The following LRRC2 variants were observed in gnomAD, a reference collection of about 807,000 sequenced individuals.
LRRC2 encodes the protein leucine-rich repeat-containing protein 2.
A neutral mutation model predicts 40.2 loss-of-function variants in LRRC2; 27 were observed. The observed-to-expected ratio is 0.67, with a 90% CI of 0.49 to 0.93. The LOEUF (loss-of-function observed/expected upper bound fraction) is 0.93, where lower values mean the gene tolerates loss of function less well. LRRC2 is among the 40% of genes least tolerant of loss of function. The pLI, the probability that LRRC2 is intolerant of heterozygous loss-of-function variation, is 0.00. For synonymous variants in LRRC2, 147 were observed against 158.9 expected, an observed-to-expected ratio of 0.92 and a Z score of 0.56; for missense variants, 402 against 439.6, an observed-to-expected ratio of 0.91 and a Z score of 0.76.
rs548529454 is a variant in LRRC2, at chr3:46,515,793, T to C, written c.*3221A>G. On this transcript the variant is annotated 3_prime_UTR_variant, in exon 9 of 9. Coordinates refer to ENST00000395905, the MANE Select transcript of LRRC2 (RefSeq NM_024512.5). ...CAGATATATTTTCCACTTGGCCATA[T>C]GTAACACATACCTTAGCATGACATA... 165 of 152,268 alleles carry C rather than the reference T, an allele frequency of 1.1e-3. No homozygotes were observed. Among genetic ancestry groups the C allele is most frequent in the African/African-American group, 3.9e-3 (160 of 41,538 alleles). 9.4% of individuals were successfully genotyped at this position (152,268 alleles called of 1,614,324 possible). A position where few individuals can be genotyped will look rare whatever the true frequency, so the allele number is the denominator to read the frequency against.
chr3:46,557,967 T>C (rs2280408), intron 1 of LRRC2: 7,394 of 152,292 alleles, frequency 0.049, 269 homozygotes, highest in South Asian at 0.15. Flanking sequence ...TGCAGGCTTG[T>C]GAAGAAAGTC....
intron 2 of LRRC2, among the ~76,000 whole-genome samples, chr3:46,548,994 G>A (rs2107032728): frequency 6.6e-6 from 1 of 152,244 alleles, no homozygotes; most frequent in South Asian, 2.1e-4. Context: ...CTCCTGCTGT[G>A]TGGCCCAGTT....
intron 1 of LRRC2, among the ~76,000 whole-genome samples, chr3:46,563,890 G>A (rs1050863443): frequency 6.6e-6 from 1 of 152,208 alleles, no homozygotes; most frequent in Admixed American, 6.5e-5. Context: ...CATCAAATGA[G>A]GGGGTTTTGA....
At chr3:46,545,528 A>C (rs6772291) in intron 2 of LRRC2, among the ~76,000 whole-genome samples, 12,273 of 152,300 alleles carry the variant, frequency 0.081, 572 homozygotes, top group South Asian at 0.17. Context: ...AAATTATATC[A>C]TGCCAACCTA....
At chr3:46,528,594 G>A (rs1481761167) in intron 6 of LRRC2, among the ~76,000 whole-genome samples, 2 of 152,186 alleles carry the variant, frequency 1.3e-5, no homozygotes, top group East Asian at 3.9e-4. Context: ...GCCTCCCCCT[G>A]GGAATTTTTC....
chr3:46,550,293 A>G (rs917416541), intron 2 of LRRC2, among the ~76,000 whole-genome samples: 50 of 151,872 alleles, frequency 3.3e-4, no homozygotes, highest in Admixed American at 3.3e-3. Context: ...ATTATCAAGC[A>G]TGATCAGAAT....
chr3:46,518,294 T>C lies in LRRC2; in HGVS notation c.*720A>G, dbSNP rs890572752. The C allele has an allele frequency of 2.0e-5, 3 of 152,072 alleles. No individual in the cohort carries two copies. The highest frequency in any genetic ancestry group is 4.8e-5 in the African/African-American group (2 of 41,410). 9.4% of individuals were successfully genotyped at this position (152,072 alleles called of 1,614,324 possible). On this transcript the variant is annotated 3_prime_UTR_variant, in exon 9 of 9. Coordinates refer to ENST00000395905, the MANE Select transcript of LRRC2 (RefSeq NM_024512.5). ...CTCAGTAAAAGAAACTCTTTCAAAA[T>C]AACAAAACACTCTCATCTGATTAGT...
intron 7 of LRRC2, among the ~76,000 whole-genome samples, chr3:46,522,329 C>A (rs147496182): frequency 4.1e-4 from 62 of 151,330 alleles, no homozygotes; most frequent in Middle Eastern, 3.4e-3. Context: ...GAGCTGAAAT[C>A]CCGCCATGGC....
intron 6 of LRRC2, among the ~76,000 whole-genome samples, chr3:46,529,425 A>C (rs1704119057): frequency 6.6e-6 from 1 of 152,236 alleles, no homozygotes; most frequent in South Asian, 2.1e-4. Context: ...AAAAATAAAA[A>C]TTTAAAAATA....
chr3:46,541,844 G>A (rs1190430357), intron 3 of LRRC2, among the ~76,000 whole-genome samples: 1 of 152,108 alleles, frequency 6.6e-6, no homozygotes, highest in African/African-American at 2.4e-5. Flanking sequence ...GTTCAACAAA[G>A]TCCCTGAACT....
At position 46,548,450 on chromosome 3, in the gene LRRC2, T is replaced by C. The variant is rs557486439; in HGVS notation, c.125+3017A>G. ...CTTCCTTGAAAGTAATTAAAATAAATAAAATTCGTTGTCTTTTCACTCTAT... is the reference window on the plus strand; with the variant it reads ...CTTCCTTGAAAGTAATTAAAATAAACAAAATTCGTTGTCTTTTCACTCTAT... On this transcript the variant is annotated intron_variant, in intron 2 of 8. Transcript: ENST00000395905. Among the ~76,000 whole-genome samples, 4 of 152,320 alleles carry C rather than the reference T, an allele frequency of 2.6e-5. No individual in the cohort carries two copies. In the South Asian group the frequency reaches 6.2e-4, roughly 24 times the overall value.
intron 3 of LRRC2, among the ~76,000 whole-genome samples, chr3:46,543,759 C>G (rs1033306454): frequency 3.3e-5 from 5 of 152,138 alleles, no homozygotes; most frequent in African/African-American, 1.2e-4. Context: ...AAGTGCCACA[C>G]CCAGGATCGT....
intron 4 of LRRC2, among the ~76,000 whole-genome samples, chr3:46,534,422 TCCTTTC>T (rs1704231146): frequency 8.6e-6 from 1 of 116,782 alleles, no homozygotes. Context: ...TTTCCTTCCT[TCCTTTC>T]TTTCTTTCTT....
In LRRC2 at chr3:46,519,010, G is replaced by T. The variant is rs756136717; in HGVS notation, c.*4C>A. On this transcript the variant is annotated 3_prime_UTR_variant, in exon 9 of 9. Coordinates refer to ENST00000395905, the MANE Select transcript of LRRC2 (RefSeq NM_024512.5). Reference sequence around the variant, plus strand: ...TAGTGAGATTTGCAGTCTTCTGATGGATATCAAAGTTGAAGGCTAAAAGAC... The same window carrying T: ...TAGTGAGATTTGCAGTCTTCTGATGTATATCAAAGTTGAAGGCTAAAAGAC... 2 of 1,588,260 alleles carry T rather than the reference G, an allele frequency of 1.3e-6. No homozygotes were observed. The highest frequency in any genetic ancestry group is 1.7e-6 in the Non-Finnish European group (2 of 1,156,692).
chr3:46,521,745 C>A, intron 7 of LRRC2, 87 bp from the exon 8 acceptor site: 1 of 1,357,820 alleles, frequency 7.4e-7, no homozygotes, highest in East Asian at 2.3e-5. Context: ...CTCTGTTATC[C>A]CAAGTTCTGG....
Position 46,532,515 on chromosome 3 carries a change from G to A in LRRC2, c.627+258C>T, listed in dbSNP as rs563431462. Reference sequence around the variant, plus strand: ...AGCTACTCAGGAGGCTGAGGCAGGAGAATTGCTTGAACCCAGGAGGCAAAA... The same window carrying A: ...AGCTACTCAGGAGGCTGAGGCAGGAAAATTGCTTGAACCCAGGAGGCAAAA... On this transcript the variant is annotated intron_variant, in intron 5 of 8. Coordinates refer to ENST00000395905, the MANE Select transcript of LRRC2 (RefSeq NM_024512.5). Among the ~76,000 whole-genome samples the A allele has an allele frequency of 2.0e-5, 3 of 152,244 alleles. No homozygotes were observed. The East Asian group carries it at 5.8e-4, about 29-fold the overall frequency.
intron 4 of LRRC2, among the ~76,000 whole-genome samples, chr3:46,536,554 A>G (rs138252595): frequency 6.6e-6 from 1 of 152,214 alleles, no homozygotes; most frequent in African/African-American, 2.4e-5. Context: ...TCCTCCTCCG[A>G]GTGTGCAAGG....
At chr3:46,553,958 T>A (rs1357347832) in intron 1 of LRRC2, among the ~76,000 whole-genome samples, 3 of 152,226 alleles carry the variant, frequency 2.0e-5, no homozygotes, top group African/African-American at 7.2e-5. Context: ...TGATTTCTGA[T>A]GTCTGAGACT....
chr3:46,564,845 C>T (rs1398888154), intron 1 of LRRC2, among the ~76,000 whole-genome samples: 1 of 152,218 alleles, frequency 6.6e-6, no homozygotes, highest in Non-Finnish European at 1.5e-5. Flanking sequence ...TATCATCAGC[C>T]TTGCTGTATC....
Sources: allele counts gnomAD v4.1 joint callset (sites outside exome capture counted in the v4.1 genomes callset), GRCh38; gene constraint gnomAD v4.1.1; transcripts MANE v1.5; gene names NCBI Gene and HGNC (gene_info 2026-07-23, HGNC 2026-07-21).